Variants in KCNMB2 observed in about 807,000 individuals in gnomAD.
KCNMB2 encodes the protein potassium calcium-activated channel subfamily M regulatory beta subunit 2.
Under a neutral mutation model 24.5 loss-of-function variants are expected in KCNMB2, and 9 were observed. That is an observed-to-expected ratio of 0.37 (90% CI 0.22 to 0.64). KCNMB2 has a LOEUF of 0.64. Among genes scored for constraint, KCNMB2 ranks in the 30% least tolerant of loss-of-function variants. KCNMB2 has a pLI of 0.63. For missense variants in KCNMB2, 226 were observed against 284.3 expected, an observed-to-expected ratio of 0.79 and a Z score of 1.47; for synonymous variants, 109 against 104.4, an observed-to-expected ratio of 1.04 and a Z score of -0.27.
At chr3:178,773,948 C>G (rs1466994520) in intron 1 of KCNMB2, among the ~76,000 whole-genome samples, 4 of 152,148 alleles carry the variant, frequency 2.6e-5, no homozygotes, top group Non-Finnish European at 5.9e-5. Flanking sequence ...TTACAAAGAA[C>G]AAAAATGTAT....
Position 178,566,698 on chromosome 3 carries a change from T to C in KCNMB2, c.-68+29987T>C, listed in dbSNP as rs188163994. Among the ~76,000 whole-genome samples, 182 of 152,334 alleles carry C rather than the reference T, an allele frequency of 1.2e-3. 2 individuals are homozygous for C. The highest frequency in any genetic ancestry group is 3.9e-3 in the African/African-American group (164 of 41,594). On this transcript the variant is annotated intron_variant, in intron 1 of 4. Coordinates refer to ENST00000452583, the MANE Select transcript of KCNMB2 (RefSeq NM_181361.3). ...AAAAAAAACTATCCCTTACTTTAAATTTAGATAAATGTGTACAAATCCAGG... is the reference window on the plus strand; with the variant it reads ...AAAAAAAACTATCCCTTACTTTAAACTTAGATAAATGTGTACAAATCCAGG...
intron 1 of KCNMB2, among the ~76,000 whole-genome samples, chr3:178,632,402 A>C (rs1719352981): frequency 6.6e-6 from 1 of 152,260 alleles, no homozygotes; most frequent in Admixed American, 6.5e-5. Context: ...CTCATGTCTC[A>C]GCATGACTGG....
intron 2 of KCNMB2, among the ~76,000 whole-genome samples, chr3:178,824,398 C>T (rs1714749805): frequency 1.3e-5 from 2 of 151,948 alleles, no homozygotes; most frequent in East Asian, 1.9e-4. Flanking sequence ...GATGGAGACT[C>T]GCTCTTTCAC....
At chr3:178,757,137 C>T (rs1261198839) in intron 1 of KCNMB2, 1 of 147,072 alleles carries the variant, frequency 6.8e-6, no homozygotes, top group Non-Finnish European at 1.5e-5. Context: ...TTATTTCCTT[C>T]TTGTAAAAGA....
intron 1 of KCNMB2, among the ~76,000 whole-genome samples, chr3:178,665,399 G>A (rs1720683062): frequency 6.6e-6 from 1 of 151,942 alleles, no homozygotes; most frequent in South Asian, 2.1e-4. Context: ...TAAAAATACT[G>A]AGCTGGCAAC....
intron 1 of KCNMB2, among the ~76,000 whole-genome samples, chr3:178,644,095 A>T (rs73042363): frequency 6.4e-4 from 98 of 152,326 alleles, no homozygotes; most frequent in African/African-American, 2.2e-3. Flanking sequence ...AGTCCTTTTG[A>T]GATCTGAAAG....
At chr3:178,783,423 A>G (rs1400597581) in intron 1 of KCNMB2, among the ~76,000 whole-genome samples, 1 of 151,410 alleles carries the variant, frequency 6.6e-6, no homozygotes, top group Non-Finnish European at 1.5e-5. Flanking sequence ...CCTACCCAGG[A>G]GCATGGAATG....
chr3:178,757,014 A>G (rs940548651), intron 1 of KCNMB2: 28 of 151,768 alleles, frequency 1.8e-4, no homozygotes, highest in African/African-American at 6.3e-4. Flanking sequence ...AATGAAAAAA[A>G]ATTCTTGGAA....
chr3:178,829,564 C>T (rs972696122), intron 4 of KCNMB2, among the ~76,000 whole-genome samples: 6 of 152,166 alleles, frequency 3.9e-5, no homozygotes, highest in Admixed American at 6.5e-5. Flanking sequence ...CCAGTCCCAG[C>T]GCTGTGCTGC....
intron 1 of KCNMB2, among the ~76,000 whole-genome samples, chr3:178,615,226 A>G (rs1718662229): frequency 1.3e-5 from 2 of 152,172 alleles, no homozygotes; most frequent in South Asian, 4.1e-4. Flanking sequence ...CAGATCTGAA[A>G]CAGCACAATA....
chr3:178,632,055 G>A (rs909624316), intron 1 of KCNMB2, among the ~76,000 whole-genome samples: 1 of 152,182 alleles, frequency 6.6e-6, no homozygotes, highest in African/African-American at 2.4e-5. Flanking sequence ...AAATTATTCT[G>A]CGTCATCTGG....
intron 1 of KCNMB2, among the ~76,000 whole-genome samples, chr3:178,611,456 G>A (rs1048098308): frequency 1.3e-5 from 2 of 152,126 alleles, no homozygotes; most frequent in Non-Finnish European, 2.9e-5. Flanking sequence ...TGTAATCCCA[G>A]CACTTTAGGA....
chr3:178,806,256 C>A (rs1026768961), intron 1 of KCNMB2, among the ~76,000 whole-genome samples: 1 of 152,190 alleles, frequency 6.6e-6, no homozygotes, highest in South Asian at 2.1e-4. Flanking sequence ...CTGAAAGCAT[C>A]ATTTAGAACC....
At chr3:178,612,508 T>C (rs1718517039) in intron 1 of KCNMB2, among the ~76,000 whole-genome samples, 1 of 152,196 alleles carries the variant, frequency 6.6e-6, no homozygotes, top group Non-Finnish European at 1.5e-5. Flanking sequence ...CCTTGTCTCT[T>C]ATAATTTTTG....
intron 4 of KCNMB2, among the ~76,000 whole-genome samples, chr3:178,833,612 A>C (rs1715121702): frequency 6.6e-6 from 1 of 152,140 alleles, no homozygotes; most frequent in Admixed American, 6.6e-5. Flanking sequence ...GGTCTCCCTC[A>C]CAGTTACCAA....
Position 178,844,025 on chromosome 3 carries a change from A to G in KCNMB2, c.*1088A>G, listed in dbSNP as rs1715521270. The G allele has an allele frequency of 6.6e-6, 1 of 152,522 alleles. No homozygotes were observed. Among genetic ancestry groups the G allele is most frequent in the Admixed American group, 6.6e-5 (1 of 15,258 alleles). 9.4% of individuals were successfully genotyped at this position (152,522 alleles called of 1,614,324 possible). A position where few individuals can be genotyped will look rare whatever the true frequency, so the allele number is the denominator to read the frequency against. ...CCTTTTTTGTTGTTATATTTTATACACAGAATAGATCTTTTTTCTAACACA... is the reference window on the plus strand; with the variant it reads ...CCTTTTTTGTTGTTATATTTTATACGCAGAATAGATCTTTTTTCTAACACA... On this transcript the variant is annotated 3_prime_UTR_variant, in exon 5 of 5. Transcript: ENST00000452583.
intron 1 of KCNMB2, among the ~76,000 whole-genome samples, chr3:178,762,190 A>G (rs1195002218): frequency 6.6e-6 from 1 of 152,160 alleles, no homozygotes; most frequent in Non-Finnish European, 1.5e-5. Flanking sequence ...CCAAAAACCA[A>G]GAACAGAAAG....
intron 1 of KCNMB2, among the ~76,000 whole-genome samples, chr3:178,568,301 C>T (rs1262554911): frequency 6.6e-6 from 1 of 152,108 alleles, no homozygotes; most frequent in African/African-American, 2.4e-5. Context: ...GACTTTAAAG[C>T]CTGTTGACTA....
At chr3:178,831,087 A>G (rs939710359) in intron 4 of KCNMB2, among the ~76,000 whole-genome samples, 1 of 137,260 alleles carries the variant, frequency 7.3e-6, no homozygotes, top group African/African-American at 3.0e-5. Flanking sequence ...ATTAATTTTT[A>G]TATATGGATC....
Sources: gnomAD v4.1 joint callset for allele counts (sites outside exome capture counted in the v4.1 genomes callset) on GRCh38, gnomAD v4.1.1 for gene constraint, MANE v1.5 for transcripts, NCBI Gene and HGNC (gene_info 2026-07-23, HGNC 2026-07-21) for gene names.